Variants in DYSF observed in about 807,000 individuals in gnomAD.
DYSF encodes dystrophy-associated fer-1-like 1.
DYSF carries 212 observed loss-of-function variants against 274.9 expected under a neutral mutation model. That is an observed-to-expected ratio of 0.77 (90% confidence interval 0.69 to 0.86). DYSF has a LOEUF of 0.86. DYSF is among the 40% of genes least tolerant of loss of function. DYSF has a pLI of 0.00. For missense variants in DYSF, 2,666 were observed against 2,783.2 expected (o/e 0.96, Z 0.95); for synonymous variants, 1,091 against 1,078.7 (o/e 1.01, Z -0.22).
rs376882262 is a variant in DYSF, at chr2:71,590,232, G to A, written c.3518G>A (p.Arg1173His). ...IFDYGNRYHLRCYMYQARDLA... is the reference protein window; with the variant it reads ...IFDYGNRYHLHCYMYQARDLA... Reference sequence around the variant, plus strand: ...GAAGATGGGAACCGCTACCATCTACGCTGCTACATGTACCAGGCCCGGGAC... The same window carrying A: ...GAAGATGGGAACCGCTACCATCTACACTGCTACATGTACCAGGCCCGGGAC... Residue 1173 changes from arginine to histidine, a missense_variant, in exon 32 of 56, where the codon CGC becomes CAC. By Grantham distance (29) the Arg-to-His change is conservative (BLOSUM62 0). Around this residue, in one of 3 missense-constraint regions of DYSF, gnomAD observed 1,460 missense variants for 1,502.1 expected, o/e 0.97. Coordinates refer to ENST00000410020, the MANE Select transcript of DYSF (RefSeq NM_001130987.2). The A allele has an allele frequency of 3.7e-6, 6 of 1,613,976 alleles. No individual in the cohort carries two copies. Among genetic ancestry groups the A allele is most frequent in the East Asian group, 4.5e-5 (2 of 44,880 alleles).
intron 13 of DYSF, 68 bp downstream of exon 13, chr2:71,526,414 GCGA>G: frequency 1.9e-5 from 25 of 1,342,952 alleles, no homozygotes; most frequent in East Asian, 1.0e-4. Context: ...GTGGGGGTGG[GCGA>G]TGGCGGGCGG....
intron 51 of DYSF, among the ~76,000 whole-genome samples, chr2:71,672,757 C>T (rs1305033702): frequency 2.6e-5 from 4 of 152,308 alleles, no homozygotes; most frequent in South Asian, 2.1e-4. Flanking sequence ...GCCATGCAGG[C>T]GGGCCTGCGG....
At chr2:71,591,383 C>T (rs72902630) in intron 32 of DYSF, among the ~76,000 whole-genome samples, 3,242 of 152,296 alleles carry the variant, frequency 0.021, 123 homozygotes, top group African/African-American at 0.073. Context: ...CATCTCCTTC[C>T]TGCTCTGACC....
intron 20 of DYSF, among the ~76,000 whole-genome samples, chr2:71,553,593 A>G (rs1199303733): frequency 6.6e-6 from 1 of 152,186 alleles, no homozygotes; most frequent in Non-Finnish European, 1.5e-5. Context: ...ACCTCTTCAG[A>G]CACTAGGGAA....
chr2:71,616,423 G>A (rs917330108), intron 40 of DYSF, among the ~76,000 whole-genome samples: 3 of 149,826 alleles, frequency 2.0e-5, no homozygotes, highest in African/African-American at 7.4e-5. Context: ...CATCCTATGT[G>A]TAGACTTTAG....
At chr2:71,548,258 C>G (rs1469001571) in intron 17 of DYSF, among the ~76,000 whole-genome samples, 1 of 152,206 alleles carries the variant, frequency 6.6e-6, no homozygotes, top group African/African-American at 2.4e-5. Flanking sequence ...TCCCTTCTCT[C>G]TTCTCCACTC....
intron 26 of DYSF, among the ~76,000 whole-genome samples, chr2:71,569,357 T>C (rs2092297071): frequency 6.6e-6 from 1 of 152,192 alleles, no homozygotes; most frequent in Non-Finnish European, 1.5e-5. Context: ...GTGGTCCTTC[T>C]CCATGTCTAT....
intron 54 of DYSF, 68 bp downstream of exon 54, chr2:71,681,178 T>G: frequency 7.0e-7 from 1 of 1,438,752 alleles, no homozygotes; most frequent in Non-Finnish European, 9.7e-7. Context: ...CCAGGAGGCA[T>G]CCCATTGCAT....
At chr2:71,501,511 C>T (rs908551379) in intron 3 of DYSF, among the ~76,000 whole-genome samples, 5 of 152,150 alleles carry the variant, frequency 3.3e-5, no homozygotes, top group African/African-American at 4.8e-5. Flanking sequence ...TCATTCCCAC[C>T]GTCCACCTCC....
chr2:71,666,215 A>G (rs1573069540), intron 47 of DYSF, among the ~76,000 whole-genome samples: 2 of 152,174 alleles, frequency 1.3e-5, no homozygotes, highest in Non-Finnish European at 1.5e-5. Context: ...ACTTTAGCAC[A>G]GGGCCATGGC....
At chr2:71,625,745 C>G (rs1434155678) in intron 41 of DYSF, among the ~76,000 whole-genome samples, 1 of 152,070 alleles carries the variant, frequency 6.6e-6, no homozygotes, top group Admixed American at 6.5e-5. Flanking sequence ...TTGGGGAAAG[C>G]AGACATTTTT....
chr2:71,479,019 G>A (rs747223300), intron 1 of DYSF, among the ~76,000 whole-genome samples: 1 of 151,972 alleles, frequency 6.6e-6, no homozygotes, highest in Non-Finnish European at 1.5e-5. Flanking sequence ...AGCCTACTGG[G>A]GCTCCTGGGA....
intron 17 of DYSF, chr2:71,549,353 A>G: frequency 6.2e-7 from 1 of 1,612,664 alleles, no homozygotes; most frequent in Non-Finnish European, 8.5e-7. Context: ...GCTTCAGAGG[A>G]GCCTGCAGGT....
At chr2:71,513,399 G>A in intron 6 of DYSF, 67 bp downstream of exon 6, 1 of 1,505,348 alleles carries the variant, frequency 6.6e-7, no homozygotes, top group Non-Finnish European at 9.0e-7. Context: ...AGCTGCCATG[G>A]TCAGCTTGCT....
At chr2:71,535,777 A>G (rs544524173) in intron 16 of DYSF, among the ~76,000 whole-genome samples, 245 of 152,274 alleles carry the variant, frequency 1.6e-3, no homozygotes, top group Admixed American at 4.0e-3. Context: ...TTGCCTGAGC[A>G]GGGGACACCA....
intron 1 of DYSF, among the ~76,000 whole-genome samples, chr2:71,456,070 C>G (rs546957710): frequency 6.6e-6 from 1 of 152,264 alleles, no homozygotes; most frequent in African/African-American, 2.4e-5. Flanking sequence ...CAGCTCCCCC[C>G]ATCCTGCATC....
At chr2:71,630,505 C>A (rs2094295223) in intron 41 of DYSF, among the ~76,000 whole-genome samples, 1 of 152,200 alleles carries the variant, frequency 6.6e-6, no homozygotes, top group Non-Finnish European at 1.5e-5. Context: ...CTGAGTGAAT[C>A]CTTAACCTTG....
At chr2:71,571,623 G>C (rs1282074784) in intron 29 of DYSF, among the ~76,000 whole-genome samples, 2 of 98,338 alleles carry the variant, frequency 2.0e-5, no homozygotes, top group East Asian at 3.1e-4. Flanking sequence ...CACACACACA[G>C]ATCACACCCA....
chr2:71,651,226 T>C (rs1430778069), intron 42 of DYSF, among the ~76,000 whole-genome samples: 2 of 151,798 alleles, frequency 1.3e-5, no homozygotes, highest in Admixed American at 1.3e-4. Flanking sequence ...AATTATAGAA[T>C]TGAATTGAAA....
Sources: allele counts gnomAD v4.1 joint callset (sites outside exome capture counted in the v4.1 genomes callset), GRCh38; gene constraint gnomAD v4.1.1; regional missense constraint gnomAD v4.1.1; transcripts MANE v1.5; gene names NCBI Gene and HGNC (gene_info 2026-07-23, HGNC 2026-07-21).